Variants in XKR9 observed in about 807,000 individuals in gnomAD.
XKR9 encodes the protein XK-related protein 9.
Under a neutral mutation model 32.0 loss-of-function variants are expected in XKR9, and 32 were observed. That is an observed-to-expected ratio of 1.00 (90% confidence interval 0.76 to 1.34). The LOEUF (loss-of-function observed/expected upper bound fraction) is 1.34. Ranked by LOEUF, XKR9 falls within the 40% of genes most tolerant of loss-of-function variation. The pLI is 0.00. For synonymous variants in XKR9, 168 were observed against 143.4 expected, an observed-to-expected ratio of 1.17 and a Z score of -1.22; for missense variants, 546 against 429.7, an observed-to-expected ratio of 1.27 and a Z score of -2.39.
At chr8:70,870,548 G>C in the XKR9 span, among the ~76,000 whole-genome samples, 1 of 152,212 alleles carries the variant, frequency 6.6e-6, no homozygotes, top group African/African-American at 2.4e-5. Flanking sequence ...ATAAAGTATG[G>C]AAGCCAGCTG....
At chr8:70,935,101 G>GTATATATA in the XKR9 span, among the ~76,000 whole-genome samples, 7,840 of 138,786 alleles carry the variant, frequency 0.056, 302 homozygotes, top group Non-Finnish European at 0.08. Flanking sequence ...TGTTTCTTCA[G>GTATATATA]TATATATATA....
the XKR9 span, among the ~76,000 whole-genome samples, chr8:71,057,939 CT>C: frequency 1.3e-5 from 2 of 152,128 alleles, no homozygotes; most frequent in Non-Finnish European, 2.9e-5. Flanking sequence ...AATCCCAATA[CT>C]TTGGGAGGCC....
the XKR9 span, among the ~76,000 whole-genome samples, chr8:70,820,152 C>G: frequency 6.6e-6 from 1 of 152,112 alleles, no homozygotes; most frequent in African/African-American, 2.4e-5. Flanking sequence ...GGTATCCTTC[C>G]TATACCTAGA....
chr8:70,708,422 G>A (rs933348499), intron 4 of XKR9, among the ~76,000 whole-genome samples: 6 of 152,016 alleles, frequency 3.9e-5, no homozygotes, highest in Non-Finnish European at 7.4e-5. Context: ...TTTAAAAATA[G>A]CATAAAATGA....
chr8:70,731,716 C>A (rs963670662), intron 4 of XKR9, among the ~76,000 whole-genome samples: 3 of 152,072 alleles, frequency 2.0e-5, no homozygotes, highest in African/African-American at 7.2e-5. Context: ...GATCTCTGGG[C>A]AAGGTGAAGA....
At chr8:70,712,273 T>C (rs756679358) in intron 4 of XKR9, among the ~76,000 whole-genome samples, 1 of 152,248 alleles carries the variant, frequency 6.6e-6, no homozygotes, top group East Asian at 1.9e-4. Context: ...TGAAAATATC[T>C]AAAAATATTG....
the XKR9 span, among the ~76,000 whole-genome samples, chr8:70,847,737 C>T: frequency 6.6e-6 from 1 of 151,898 alleles, no homozygotes; most frequent in Non-Finnish European, 1.5e-5. Flanking sequence ...TGGATAAATT[C>T]CTGTATACAT....
the XKR9 span, among the ~76,000 whole-genome samples, chr8:70,979,739 G>A: frequency 7.2e-5 from 11 of 152,350 alleles, no homozygotes; most frequent in Admixed American, 5.2e-4. Flanking sequence ...GAGGCAGTCT[G>A]TCTGTTCTCA....
chr8:71,017,869 C>T, the XKR9 span, among the ~76,000 whole-genome samples: 65,826 of 151,952 alleles, frequency 0.43, 15,306 homozygotes, highest in Non-Finnish European at 0.53. Flanking sequence ...TGATTTTCAT[C>T]CCCAAAAGTC....
the XKR9 span, among the ~76,000 whole-genome samples, chr8:70,918,768 CTTTTTTTTTTTTTTTT>C: frequency 3.1e-5 from 2 of 64,138 alleles, no homozygotes; most frequent in South Asian, 4.6e-4. Flanking sequence ...TCATGGGATC[CTTTTTTTTTTTTTTTT>C]TTTTTTTTTT....
chr8:70,995,919 C>G, the XKR9 span, among the ~76,000 whole-genome samples: 1 of 152,156 alleles, frequency 6.6e-6, no homozygotes, highest in Non-Finnish European at 1.5e-5. Flanking sequence ...CTCACTATGC[C>G]AGCCCTCAAT....
the XKR9 span, among the ~76,000 whole-genome samples, chr8:70,962,105 C>T: frequency 3.9e-5 from 6 of 151,968 alleles, no homozygotes; most frequent in South Asian, 2.1e-4. Flanking sequence ...ATGAAATCAC[C>T]GTTATTTTTA....
downstream of XKR9, among the ~76,000 whole-genome samples, chr8:70,740,742 G>T (rs1806957579): frequency 6.6e-6 from 1 of 152,234 alleles, no homozygotes; most frequent in South Asian, 2.1e-4. Context: ...TCCAGACCCT[G>T]TTTGCCTGTG....
chr8:70,905,045 C>T, the XKR9 span, among the ~76,000 whole-genome samples: 20 of 152,252 alleles, frequency 1.3e-4, no homozygotes, highest in Admixed American at 4.6e-4. Context: ...TCTCTGGCTG[C>T]CCTTAACATT....
the XKR9 span, among the ~76,000 whole-genome samples, chr8:70,822,200 T>C: frequency 1.1e-4 from 17 of 152,332 alleles, no homozygotes; most frequent in Non-Finnish European, 2.1e-4. Context: ...ATCAACCTGA[T>C]TAAAAGTCAG....
the XKR9 span, among the ~76,000 whole-genome samples, chr8:70,894,276 A>G: frequency 6.6e-6 from 1 of 151,830 alleles, no homozygotes; most frequent in Non-Finnish European, 1.5e-5. Context: ...CCAAAATGGC[A>G]GAGCACAGCT....
chr8:71,033,417 A>G, the XKR9 span, among the ~76,000 whole-genome samples: 388 of 152,310 alleles, frequency 2.5e-3, 5 homozygotes, highest in African/African-American at 8.9e-3. Context: ...ATTTTTATAA[A>G]TACTCTAGGA....
intron 2 of XKR9, among the ~76,000 whole-genome samples, chr8:70,744,899 C>T (rs559487558): frequency 1.3e-5 from 2 of 150,198 alleles, no homozygotes; most frequent in Non-Finnish European, 3.0e-5. Flanking sequence ...AGTTACCATG[C>T]CAGCCTGAAT....
chr8:70,800,672 G>T, the XKR9 span, among the ~76,000 whole-genome samples: 2 of 152,062 alleles, frequency 1.3e-5, no homozygotes, highest in African/African-American at 4.8e-5. Flanking sequence ...TTTTAGTAGA[G>T]ATGGCATTTC....
Sources: gnomAD v4.1 joint callset for allele counts (sites outside exome capture counted in the v4.1 genomes callset) on GRCh38, gnomAD v4.1.1 for gene constraint, MANE v1.5 for transcripts, NCBI Gene and HGNC (gene_info 2026-07-23, HGNC 2026-07-21) for gene names.